The following ZDHHC14 variants were observed in gnomAD, a reference collection of about 807,000 sequenced individuals.
The protein encoded by ZDHHC14 is palmitoyltransferase ZDHHC14.
ZDHHC14 carries 16 observed loss-of-function variants against 47.7 expected under a neutral mutation model. The observed-to-expected ratio is 0.34, with a 90% CI of 0.23 to 0.51. The LOEUF (loss-of-function observed/expected upper bound fraction) is 0.51, where lower values mean the gene tolerates loss of function less well. ZDHHC14 is among the 20% of genes least tolerant of loss of function. The probability of loss-of-function intolerance (pLI) is 0.97; values close to 1 mark genes in which losing one functional copy is unlikely to be tolerated. For synonymous variants in ZDHHC14, 293 were observed against 278.9 expected, an observed-to-expected ratio of 1.05 and a Z score of -0.50; for missense variants, 515 against 662.5, an observed-to-expected ratio of 0.78 and a Z score of 2.44.
intron 3 of ZDHHC14, among the ~76,000 whole-genome samples, chr6:157,614,250 C>A (rs1376222663): frequency 6.6e-6 from 1 of 152,130 alleles, no homozygotes; most frequent in African/African-American, 2.4e-5. Flanking sequence ...AAGGGAGCAG[C>A]CCCACCTCCA....
intron 1 of ZDHHC14, among the ~76,000 whole-genome samples, chr6:157,501,488 G>A (rs796719193): frequency 8.5e-5 from 13 of 152,248 alleles, no homozygotes; most frequent in African/African-American, 3.1e-4. Flanking sequence ...TGCATTTACG[G>A]CCTGTGATTA....
At position 157,593,054 on chromosome 6, in the gene ZDHHC14, A is replaced by G. The variant is rs1783979400; in HGVS notation, c.473A>G (p.Asn158Ser). ...CCCAGAACCAAAGAAGTCATCATCAATGGCCAGACCGTGAAACTTAAATAC... is the reference window on the plus strand; with the variant it reads ...CCCAGAACCAAAGAAGTCATCATCAGTGGCCAGACCGTGAAACTTAAATAC... ...PPPRTKEVII[N>S]GQTVKLKYCF... Residue 158 changes from asparagine to serine, a missense_variant, in exon 3 of 9, where the codon AAT becomes AGT. This residue lies in a region of ZDHHC14 where 229 missense variants were observed against 351.5 expected (regional missense o/e 0.65). Transcript: ENST00000359775. 1.9e-6 allele frequency: 3 copies of G among 1,614,178 alleles called. No individual in the cohort carries two copies. In the South Asian group the frequency reaches 3.3e-5, roughly 18 times the overall value.
intron 1 of ZDHHC14, among the ~76,000 whole-genome samples, chr6:157,539,131 TG>T (rs1320882336): frequency 6.6e-6 from 1 of 152,028 alleles, no homozygotes; most frequent in Non-Finnish European, 1.5e-5. Context: ...TGTTCTAGGC[TG>T]GGTGTGGTGG....
Position 157,469,667 on chromosome 6 carries a change from G to C in ZDHHC14, c.246-72918G>C, listed in dbSNP as rs150526939. Reference sequence around the variant, plus strand: ...GATCATGTCAAATGTTGAGGTCATCGTGGCAGAGGGAGAGAGTCCTGGAGG... The same window carrying C: ...GATCATGTCAAATGTTGAGGTCATCCTGGCAGAGGGAGAGAGTCCTGGAGG... On this transcript the variant is annotated intron_variant, in intron 1 of 8. Transcript: ENST00000359775. 2.0e-3 allele frequency among the ~76,000 whole-genome samples: 307 copies of C among 152,300 alleles called. 2 individuals are homozygous for C. Among genetic ancestry groups the C allele is most frequent in the Non-Finnish European group, 3.6e-3 (245 of 68,036 alleles).
chr6:157,511,936 G>C (rs1328807884), intron 1 of ZDHHC14, among the ~76,000 whole-genome samples: 1 of 152,078 alleles, frequency 6.6e-6, no homozygotes, highest in Non-Finnish European at 1.5e-5. Context: ...TGGGAGAGAA[G>C]GTGTTGGCTG....
intron 3 of ZDHHC14, among the ~76,000 whole-genome samples, chr6:157,622,013 C>A (rs1351167862): frequency 6.6e-6 from 1 of 152,084 alleles, no homozygotes; most frequent in Non-Finnish European, 1.5e-5. Flanking sequence ...GGGCTGCTGT[C>A]AAGTTAAATG....
chr6:157,532,122 A>T (rs1781388980), intron 1 of ZDHHC14, among the ~76,000 whole-genome samples: 2 of 152,194 alleles, frequency 1.3e-5, no homozygotes, highest in Admixed American at 1.3e-4. Context: ...TCCTGGTGGC[A>T]CCAGCAGCCA....
intron 1 of ZDHHC14, among the ~76,000 whole-genome samples, chr6:157,518,984 T>A (rs1780809497): frequency 6.6e-6 from 1 of 152,186 alleles, no homozygotes; most frequent in Non-Finnish European, 1.5e-5. Context: ...GAGAGGCAGC[T>A]GACAGTTGCC....
chr6:157,471,298 A>G (rs1170077245), intron 1 of ZDHHC14, among the ~76,000 whole-genome samples: 1 of 152,166 alleles, frequency 6.6e-6, no homozygotes, highest in Non-Finnish European at 1.5e-5. Flanking sequence ...CTGTCAAGTG[A>G]ACGAACTAAC....
chr6:157,642,902 C>T lies in ZDHHC14; in HGVS notation c.753-2835C>T, dbSNP rs534027644. ...AACCATGTCAGCTGCCACAGGTTCGCGAATCCTGGAGAAGCAGGGGGTTGG... is the reference window on the plus strand; with the variant it reads ...AACCATGTCAGCTGCCACAGGTTCGTGAATCCTGGAGAAGCAGGGGGTTGG... On this transcript the variant is annotated intron_variant, in intron 5 of 8. Transcript: ENST00000359775. Among the ~76,000 whole-genome samples, 7 of 152,304 alleles carry T rather than the reference C, an allele frequency of 4.6e-5. No homozygotes were observed. In the South Asian group the frequency reaches 1.0e-3, roughly 23 times the overall value.
intron 1 of ZDHHC14, among the ~76,000 whole-genome samples, chr6:157,496,472 G>T (rs554200696): frequency 2.6e-5 from 4 of 152,332 alleles, no homozygotes; most frequent in Non-Finnish European, 5.9e-5. Flanking sequence ...TGGGACATTG[G>T]TTCTTTACAG....
In ZDHHC14 at chr6:157,502,532, C is replaced by T. The variant is rs896664650; in HGVS notation, c.246-40053C>T. On this transcript the variant is annotated intron_variant, in intron 1 of 8. Transcript: ENST00000359775. This position sits in a 1 kb window ranked among gnomAD's most constrained non-coding sequence, Gnocchi z 4.0. ...TGAGTCTTGTCCCTGCTACCTGATCCCCATCTCACACCACTCACCTCCTCC... is the reference window on the plus strand; with the variant it reads ...TGAGTCTTGTCCCTGCTACCTGATCTCCATCTCACACCACTCACCTCCTCC... Among the ~76,000 whole-genome samples the T allele has an allele frequency of 6.6e-6, 1 of 152,182 alleles. No individual in the cohort carries two copies. The highest frequency in any genetic ancestry group is 2.4e-5 in the African/African-American group (1 of 41,450).
chr6:157,514,216 T>A (rs146294811), intron 1 of ZDHHC14, among the ~76,000 whole-genome samples: 2,552 of 152,320 alleles, frequency 0.017, 75 homozygotes, highest in African/African-American at 0.058. Context: ...GGGCTCTCAA[T>A]TTTTTGGGGG....
intron 3 of ZDHHC14, among the ~76,000 whole-genome samples, chr6:157,603,196 A>C (rs1784405067): frequency 6.6e-6 from 1 of 152,240 alleles, no homozygotes; most frequent in Admixed American, 6.5e-5. Context: ...GCAAGTGTTT[A>C]CAATGAATCC....
chr6:157,450,450 G>A (rs1215712473), intron 1 of ZDHHC14, among the ~76,000 whole-genome samples: 2 of 151,400 alleles, frequency 1.3e-5, no homozygotes, highest in South Asian at 2.1e-4. Context: ...CGGGGGTAGA[G>A]GTTGTAGTGA....
chr6:157,664,424 T>C (rs1778468615), intron 8 of ZDHHC14, among the ~76,000 whole-genome samples: 1 of 152,174 alleles, frequency 6.6e-6, no homozygotes. Flanking sequence ...CACCAAAGAG[T>C]GTTGCCCCTG....
intron 2 of ZDHHC14, among the ~76,000 whole-genome samples, chr6:157,579,057 T>C (rs1224535072): frequency 1.3e-5 from 2 of 152,196 alleles, no homozygotes; most frequent in Admixed American, 1.3e-4. Flanking sequence ...ATTCTGGCTC[T>C]TTTTTAGTTC....
At chr6:157,430,216 T>A (rs1229782112) in intron 1 of ZDHHC14, among the ~76,000 whole-genome samples, 1 of 148,180 alleles carries the variant, frequency 6.7e-6, no homozygotes, top group Admixed American at 6.9e-5. Flanking sequence ...CTCGGGAGGC[T>A]GAGGCAGGAG....
intron 1 of ZDHHC14, among the ~76,000 whole-genome samples, chr6:157,445,144 A>ACACACACACACACACT (rs376300431): frequency 9.5e-5 from 14 of 146,952 alleles, no homozygotes; most frequent in African/African-American, 3.7e-4. Flanking sequence ...ACACACACAC[A>ACACACACACACACACT]CTCTTCATAT....
Sources: allele counts gnomAD v4.1 joint callset (sites outside exome capture counted in the v4.1 genomes callset), GRCh38; gene constraint gnomAD v4.1.1; regional missense constraint gnomAD v4.1.1; non-coding constraint Gnocchi (gnomAD v3.1); transcripts MANE v1.5; gene names NCBI Gene and HGNC (gene_info 2026-07-23, HGNC 2026-07-21).